Variants in NTM observed in about 807,000 individuals in gnomAD.
NTM encodes IgLON family member 2.
NTM carries 13 observed loss-of-function variants against 42.1 expected under a neutral mutation model. The ratio of observed to expected loss-of-function variants is 0.31; its 90% CI spans 0.20 to 0.49. The LOEUF (loss-of-function observed/expected upper bound fraction) is 0.49, where lower values mean the gene tolerates loss of function less well. Ranked by LOEUF, NTM falls within the 20% of genes least tolerant of loss-of-function variation. NTM has a pLI of 0.99. For synonymous variants in NTM, 187 were observed against 179.2 expected (o/e 1.04, Z -0.35); for missense variants, 373 against 452.8 (o/e 0.82, Z 1.60).
At chr11:132,180,777 C>T (rs2077454857) in intron 3 of NTM, among the ~76,000 whole-genome samples, 1 of 152,112 alleles carries the variant, frequency 6.6e-6, no homozygotes. Context: ...CTCCACTCCA[C>T]CCAGCCTTAG....
intron 2 of NTM, among the ~76,000 whole-genome samples, chr11:132,024,589 G>A (rs762747224): frequency 2.0e-5 from 3 of 152,116 alleles, no homozygotes; most frequent in African/African-American, 2.4e-5. Flanking sequence ...TTTGGAACCC[G>A]TGGATAAGGA....
At chr11:132,184,774 G>A (rs1174623352) in intron 3 of NTM, among the ~76,000 whole-genome samples, 1 of 152,020 alleles carries the variant, frequency 6.6e-6, no homozygotes, top group Admixed American at 6.6e-5. Context: ...AAATTTTTTG[G>A]GAAAAATAAT....
chr11:132,215,113 G>A (rs1357428354), intron 4 of NTM, among the ~76,000 whole-genome samples: 3 of 152,194 alleles, frequency 2.0e-5, no homozygotes, highest in Admixed American at 6.5e-5. Flanking sequence ...AAACCAGGAT[G>A]GGCTTGGTGT....
intron 1 of NTM, among the ~76,000 whole-genome samples, chr11:131,457,554 A>T (rs1951006398): frequency 6.6e-6 from 1 of 152,192 alleles, no homozygotes; most frequent in African/African-American, 2.4e-5. Flanking sequence ...GGGAAGAGGA[A>T]GTATGCCAGA....
At chr11:132,118,130 T>C (rs2064163856) in intron 2 of NTM, among the ~76,000 whole-genome samples, 1 of 152,224 alleles carries the variant, frequency 6.6e-6, no homozygotes, top group Non-Finnish European at 1.5e-5. Flanking sequence ...TCTTACAATC[T>C]AATTAAGCGG....
intron 1 of NTM, among the ~76,000 whole-genome samples, chr11:131,813,515 G>T (rs2092824599): frequency 6.6e-6 from 1 of 152,092 alleles, no homozygotes; most frequent in African/African-American, 2.4e-5. Flanking sequence ...CTTTCTCTGG[G>T]GGAGTCTGGG....
chr11:131,787,560 A>C (rs1016507371), intron 1 of NTM, among the ~76,000 whole-genome samples: 1 of 151,626 alleles, frequency 6.6e-6, no homozygotes, highest in African/African-American at 2.4e-5. Context: ...TAATTTTTGT[A>C]TTTTTAGTAC....
chr11:132,016,768 A>C lies in NTM; in HGVS notation c.167+105120A>C, dbSNP rs1029489329. On this transcript the variant is annotated intron_variant, in intron 2 of 8. Coordinates refer to ENST00000683400, the MANE Select transcript of NTM (RefSeq NM_001352005.2). ...CATTTTACATTTCCACCAACAATTT[A>C]TGAGTTTTCTGTTTTCTCTAAATCC... 4.6e-5 allele frequency among the ~76,000 whole-genome samples: 7 copies of C among 150,936 alleles called. No individual in the cohort carries two copies. The East Asian group carries it at 1.4e-3, about 29-fold the overall frequency.
intron 1 of NTM, among the ~76,000 whole-genome samples, chr11:131,701,626 A>C (rs780762506): frequency 6.6e-6 from 1 of 152,172 alleles, no homozygotes; most frequent in Non-Finnish European, 1.5e-5. Flanking sequence ...TCCAATACTC[A>C]TATTTCTGGA....
chr11:131,773,975 G>A (rs1254971685), intron 1 of NTM: 3 of 981,538 alleles, frequency 3.1e-6, no homozygotes, highest in Non-Finnish European at 3.6e-6. Flanking sequence ...ATAGTGTTAA[G>A]GACCTCCAAT....
chr11:131,540,066 T>C (rs1223988192), intron 1 of NTM, among the ~76,000 whole-genome samples: 3 of 151,778 alleles, frequency 2.0e-5, no homozygotes, highest in Admixed American at 1.3e-4. Context: ...TGGAGTCCCT[T>C]AAAAAGCTCT....
At chr11:131,544,854 T>C (rs1029333535) in intron 1 of NTM, among the ~76,000 whole-genome samples, 1 of 152,216 alleles carries the variant, frequency 6.6e-6, no homozygotes. Context: ...TCGAATCAGA[T>C]AACTTGATAG....
intron 1 of NTM, among the ~76,000 whole-genome samples, chr11:131,733,992 C>T (rs1174220433): frequency 5.3e-5 from 8 of 152,088 alleles, no homozygotes; most frequent in African/African-American, 1.4e-4. Flanking sequence ...TTTTTGTCTA[C>T]GTTAATAATT....
At chr11:131,459,763 C>G (rs140523083) in intron 1 of NTM, among the ~76,000 whole-genome samples, 133 of 152,186 alleles carry the variant, frequency 8.7e-4, no homozygotes, top group African/African-American at 3.1e-3. Context: ...GGAGGAAGGC[C>G]TTAGTCTTCA....
intron 1 of NTM, among the ~76,000 whole-genome samples, chr11:131,554,470 ATAAG>A (rs1466725086): frequency 6.6e-6 from 1 of 152,022 alleles, no homozygotes; most frequent in Admixed American, 6.6e-5. Context: ...CAATTTATAA[ATAAG>A]TATTGCTGCA....
chr11:131,709,845 A>G (rs1027799446), intron 1 of NTM, among the ~76,000 whole-genome samples: 1 of 152,198 alleles, frequency 6.6e-6, no homozygotes, highest in African/African-American at 2.4e-5. Context: ...GACAGGAAGG[A>G]GGGAAGAAGA....
chr11:132,076,640 T>C (rs1594401691), intron 2 of NTM, among the ~76,000 whole-genome samples: 2 of 152,160 alleles, frequency 1.3e-5, no homozygotes, highest in African/African-American at 4.8e-5. Flanking sequence ...TAAGAGGACA[T>C]AATTTGTAGG....
chr11:131,908,197 G>A (rs1408753836), intron 1 of NTM, among the ~76,000 whole-genome samples: 1 of 152,220 alleles, frequency 6.6e-6, no homozygotes, highest in Non-Finnish European at 1.5e-5. Context: ...TAGATCAACT[G>A]CATGCAGACT....
chr11:131,790,189 T>G (rs1260979696), intron 1 of NTM, among the ~76,000 whole-genome samples: 1 of 152,186 alleles, frequency 6.6e-6, no homozygotes, highest in East Asian at 1.9e-4. Context: ...AGAAAAAGAT[T>G]GATAAGATCA....
Sources: allele counts gnomAD v4.1 joint callset (sites outside exome capture counted in the v4.1 genomes callset), GRCh38; gene constraint gnomAD v4.1.1; transcripts MANE v1.5; gene names NCBI Gene and HGNC (gene_info 2026-07-23, HGNC 2026-07-21).